The following PREX1 variants were observed in gnomAD, a reference collection of about 807,000 sequenced individuals.
PREX1 encodes phosphatidylinositol 3,4,5-trisphosphate-dependent Rac exchanger 1 protein.
In PREX1, 41 loss-of-function variants were observed where a neutral mutation model predicts 198.3. The ratio of observed to expected loss-of-function variants is 0.21; its 90% confidence interval spans 0.16 to 0.27. The LOEUF is 0.27. Among genes scored for constraint, PREX1 ranks in the 10% least tolerant of loss-of-function variants. The probability of loss-of-function intolerance (pLI) is 1.00; values close to 1 mark genes in which losing one functional copy is unlikely to be tolerated. For synonymous variants in PREX1, 843 were observed against 887.2 expected (o/e 0.95, Z 0.89); for missense variants, 1,620 against 2,200.7 (o/e 0.74, Z 5.28).
intron 1 of PREX1, among the ~76,000 whole-genome samples, chr20:48,785,527 G>A (rs992617731): frequency 6.6e-6 from 1 of 152,368 alleles, no homozygotes; most frequent in East Asian, 1.9e-4. Context: ...ACCACCCAAG[G>A]TTCCCCAAAC....
At position 48,691,212 on chromosome 20, in the gene PREX1, G is replaced by A; in HGVS notation, c.1037-116C>T. 5 of 1,328,534 alleles carry A rather than the reference G, an allele frequency of 3.8e-6. No homozygotes were observed. In the Admixed American group the frequency reaches 5.7e-5, roughly 15 times the overall value. 82.3% of individuals were successfully genotyped at this position (1,328,534 alleles called of 1,614,324 possible). A position where few individuals can be genotyped will look rare whatever the true frequency, so the allele number is the denominator to read the frequency against. Reference sequence around the variant, plus strand: ...GCAGGGCCCTCGCCTGGATCAGGATGGGGAGCTGGACTTCCAGCCCTTCAA... The same window carrying A: ...GCAGGGCCCTCGCCTGGATCAGGATAGGGAGCTGGACTTCCAGCCCTTCAA... On this transcript the variant is annotated intron_variant, in intron 8 of 39. Coordinates refer to ENST00000371941, the MANE Select transcript of PREX1 (RefSeq NM_020820.4). This position sits in a 1 kb window ranked among gnomAD's most constrained non-coding sequence, Gnocchi z 5.0.
At chr20:48,814,424 A>G (rs1439059503) in intron 1 of PREX1, among the ~76,000 whole-genome samples, 2 of 152,218 alleles carry the variant, frequency 1.3e-5, no homozygotes, top group South Asian at 4.1e-4. Context: ...CTCTCTGAGG[A>G]AGCGGCACTT....
intron 1 of PREX1, among the ~76,000 whole-genome samples, chr20:48,779,074 A>G (rs1435367517): frequency 6.6e-6 from 1 of 152,256 alleles, no homozygotes; most frequent in African/African-American, 2.4e-5. Context: ...AAGACAAGCT[A>G]CAGATGGGGA....
chr20:48,644,586 C>G (rs1467800501), intron 26 of PREX1, 89 bp from the exon 27 acceptor site: 5 of 1,195,290 alleles, frequency 4.2e-6, no homozygotes, highest in Non-Finnish European at 4.8e-6. Context: ...ACAGTGTAGA[C>G]AAAACCCCTG....
chr20:48,849,929 G>A, the PREX1 span, among the ~76,000 whole-genome samples: 1 of 152,194 alleles, frequency 6.6e-6, no homozygotes, highest in Non-Finnish European at 1.5e-5. Flanking sequence ...TCACTCTGGA[G>A]CCAGATGTTC....
At chr20:48,800,549 G>A (rs1410433497) in intron 1 of PREX1, among the ~76,000 whole-genome samples, 1 of 152,198 alleles carries the variant, frequency 6.6e-6, no homozygotes, top group Non-Finnish European at 1.5e-5. Context: ...GGTCCTGTGA[G>A]GTGGGAGCTT....
chr20:48,859,243 C>T, the PREX1 span, among the ~76,000 whole-genome samples: 31 of 152,212 alleles, frequency 2.0e-4, no homozygotes, highest in East Asian at 1.9e-4. Context: ...CTATGTCAAA[C>T]GGAAACAAAA....
chr20:48,678,551 T>C (rs1390844987), intron 13 of PREX1, among the ~76,000 whole-genome samples: 3 of 152,172 alleles, frequency 2.0e-5, no homozygotes, highest in African/African-American at 7.2e-5. Context: ...AATCTCATCT[T>C]GAATGGCAGC....
rs148947826 is a variant in PREX1 at position 48,706,219 on chromosome 20, A to G, written c.783+2041T>C. ...CTTACCAGAAAAAAGGCATCTGGAA[A>G]TCACTTCTGCTGCAGCTGCTGAGGA... On this transcript the variant is annotated intron_variant, in intron 6 of 39. Coordinates refer to ENST00000371941, the MANE Select transcript of PREX1 (RefSeq NM_020820.4). 4.5e-4 allele frequency among the ~76,000 whole-genome samples: 68 copies of G among 152,306 alleles called. No individual in the cohort carries two copies. In the Middle Eastern group the frequency reaches 0.02, roughly 46 times the overall value.
intron 1 of PREX1, among the ~76,000 whole-genome samples, chr20:48,763,773 C>G (rs917266731): frequency 6.6e-6 from 1 of 152,174 alleles, no homozygotes; most frequent in Non-Finnish European, 1.5e-5. Context: ...TTTCCCAGAG[C>G]CTGCTCGGCC....
chr20:48,734,686 C>A, intron 3 of PREX1, 36 bp from the exon 4 acceptor site: 2 of 1,593,124 alleles, frequency 1.3e-6, no homozygotes, highest in South Asian at 2.2e-5. Flanking sequence ...GGAGGCAGGT[C>A]ATGGTAGCAG....
At chr20:48,859,020 C>T in the PREX1 span, among the ~76,000 whole-genome samples, 7 of 152,102 alleles carry the variant, frequency 4.6e-5, no homozygotes, top group East Asian at 1.2e-3. Flanking sequence ...CTCAGCCTCC[C>T]GAGTAGCTAG....
At chr20:48,700,003 C>A (rs1185160675) in intron 7 of PREX1, among the ~76,000 whole-genome samples, 23 of 152,206 alleles carry the variant, frequency 1.5e-4, no homozygotes, top group African/African-American at 5.3e-4. Flanking sequence ...AAACCCCCAG[C>A]CATCTGCGCC....
In PREX1 at chr20:48,625,452, G is replaced by C. The variant is rs1944332092; in HGVS notation, c.*433C>G. On this transcript the variant is annotated 3_prime_UTR_variant, in exon 40 of 40. Coordinates refer to ENST00000371941, the MANE Select transcript of PREX1 (RefSeq NM_020820.4). Reference sequence around the variant, plus strand: ...GGGTGAACCTGGAAGCTAAGATGAGGAGGAGGAGACACGTGTGGTCACCTG... The same window carrying C: ...GGGTGAACCTGGAAGCTAAGATGAGCAGGAGGAGACACGTGTGGTCACCTG... 1 of 167,078 alleles carries C rather than the reference G, an allele frequency of 6.0e-6. No homozygotes were observed. The highest frequency in any genetic ancestry group is 1.3e-5 in the Non-Finnish European group (1 of 77,504). 10.3% of individuals were successfully genotyped at this position (167,078 alleles called of 1,614,324 possible).
At chr20:48,651,146 T>C (rs2089492898) in intron 22 of PREX1, 91 bp from the exon 23 acceptor site, 1 of 1,476,918 alleles carries the variant, frequency 6.8e-7, no homozygotes, top group Non-Finnish European at 9.1e-7. Flanking sequence ...CTACTCGTAA[T>C]ACCCCCCGGG....
At chr20:48,817,308 C>A (rs747882662) in intron 1 of PREX1, among the ~76,000 whole-genome samples, 4 of 152,148 alleles carry the variant, frequency 2.6e-5, no homozygotes, top group Non-Finnish European at 5.9e-5. Flanking sequence ...GGGCAAGGGA[C>A]CACTTGGTCA....
At chr20:48,712,878 C>A (rs2089939425) in intron 5 of PREX1, among the ~76,000 whole-genome samples, 1 of 152,226 alleles carries the variant, frequency 6.6e-6, no homozygotes, top group Admixed American at 6.5e-5. Context: ...GTAATCTCAA[C>A]ACTTTGGGAG....
At chr20:48,833,305 G>T in the PREX1 span, among the ~76,000 whole-genome samples, 1 of 152,290 alleles carries the variant, frequency 6.6e-6, no homozygotes, top group Non-Finnish European at 1.5e-5. Context: ...CAGATGGAAA[G>T]AATCTGGATC....
At position 48,659,995 on chromosome 20, in the gene PREX1, T is replaced by A. The variant is rs766060829; in HGVS notation, c.1805A>T (p.Glu602Val). Residue 602 changes from glutamate to valine, a missense_variant, in exon 16 of 40, where the codon GAG becomes GTG. Physicochemically the swap from Glu to Val is moderately radical, Grantham distance 121 (BLOSUM62 -2). Transcript: ENST00000371941. ...CTGTTTGTTCTTGCTGCTGGTCCCCTCCATCTCCTCGTCAGCATGAAAGCG... is the reference window on the plus strand; with the variant it reads ...CTGTTTGTTCTTGCTGCTGGTCCCCACCATCTCCTCGTCAGCATGAAAGCG... Reference protein sequence around the residue: ...YFRFHADEEMEGTSSKNKQLR... With the variant: ...YFRFHADEEMVGTSSKNKQLR... 1 of 1,614,206 alleles carries A rather than the reference T, an allele frequency of 6.2e-7. No individual in the cohort carries two copies. Among genetic ancestry groups the A allele is most frequent in the Admixed American group, 1.7e-5 (1 of 60,030 alleles).
Sources: allele counts gnomAD v4.1 joint callset (sites outside exome capture counted in the v4.1 genomes callset), GRCh38; gene constraint gnomAD v4.1.1; non-coding constraint Gnocchi (gnomAD v3.1); transcripts MANE v1.5; gene names NCBI Gene and HGNC (gene_info 2026-07-23, HGNC 2026-07-21).